ACRBP: variants seen among roughly 807,000 people sequenced by gnomAD.
ACRBP encodes the protein acrosin binding protein.
A neutral mutation model predicts 69.0 loss-of-function variants in ACRBP; 52 were observed. That is an observed-to-expected ratio of 0.75 (90% CI 0.60 to 0.95). The LOEUF (loss-of-function observed/expected upper bound fraction) is 0.95. Ranked by LOEUF, ACRBP falls within the 40% of genes least tolerant of loss-of-function variation. The pLI is 0.00. For synonymous variants in ACRBP, 267 were observed against 258.9 expected, an observed-to-expected ratio of 1.03 and a Z score of -0.30; for missense variants, 604 against 673.0, an observed-to-expected ratio of 0.90 and a Z score of 1.13.
chr12:6,644,409 C>T lies in ACRBP; in HGVS notation c.672G>A (p.Glu224=), dbSNP rs1163483094. 6.2e-7 allele frequency: 1 copy of T among 1,613,938 alleles called. No homozygotes were observed. Among genetic ancestry groups the T allele is most frequent in the Non-Finnish European group, 8.5e-7 (1 of 1,180,004 alleles). ...EEGQKQEEQE[E]EQEEEGKQEE... is the part of the protein sequence containing the mutation. ...CCTGCTTTCCCTCCTCTTCCTGTTC[C>T]TCTTCTTGCTCTTCCTGTTTCTGCC... The change falls in exon 5 of 10, where the codon GAG becomes GAA. Residue 224 remains glutamate (E), a synonymous_variant. Coordinates refer to ENST00000229243, the MANE Select transcript of ACRBP (RefSeq NM_032489.3).
Position 6,640,410 on chromosome 12 carries a change from T to C in ACRBP, c.1190A>G (p.Asp397Gly). 1.9e-6 allele frequency: 3 copies of C among 1,614,036 alleles called. No homozygotes were observed. Among genetic ancestry groups the C allele is most frequent in the Non-Finnish European group, 2.5e-6 (3 of 1,179,996 alleles). The change falls in exon 7 of 10, where the codon GAC (aspartate) becomes GGC (glycine). Residue 397 changes from aspartate (D) to glycine (G), a missense_variant. Physicochemically the swap from Asp to Gly is moderately conservative, Grantham distance 94. This residue lies in a region of ACRBP where 532 missense variants were observed against 562.9 expected (regional missense o/e 0.95). Coordinates refer to ENST00000229243, the MANE Select transcript of ACRBP (RefSeq NM_032489.3). The surrounding 1 kb of genome is among the most constrained non-coding windows in gnomAD (Gnocchi z 5.3). ...SEASLQRQQC[D>G]TSHKTPFVSP... ...GACAAAGGGAGTCTTGTGGGAGGTGTCGCATTGTTGCCGCTGCAGGCTGGC... is the reference window on the plus strand; with the variant it reads ...GACAAAGGGAGTCTTGTGGGAGGTGCCGCATTGTTGCCGCTGCAGGCTGGC...
intron 9 of ACRBP, chr12:6,638,699 G>A: frequency 3.5e-6 from 5 of 1,425,960 alleles, no homozygotes; most frequent in Non-Finnish European, 4.6e-6. Flanking sequence ...CCAAGTCCTG[G>A]CCCAGCCAAG....
chr12:6,641,903 T>A (rs1304887806), intron 6 of ACRBP, among the ~76,000 whole-genome samples: 1 of 152,096 alleles, frequency 6.6e-6, no homozygotes, highest in African/African-American at 2.4e-5. Context: ...ACAAAAGAAA[T>A]TTCTACTCTT....
At position 6,639,141 on chromosome 12, in the gene ACRBP, C is replaced by T. The variant is rs1027435632; in HGVS notation, c.1426-104G>A. 9 of 1,066,166 alleles carry T rather than the reference C, an allele frequency of 8.4e-6. No individual in the cohort carries two copies. In the South Asian group the frequency reaches 1.1e-4, roughly 13 times the overall value. The allele number at this position is 1,066,166 out of a possible 1,614,324, so 66.0% of individuals were successfully genotyped here. On this transcript the variant is annotated intron_variant, in intron 8 of 9. Transcript: ENST00000229243. ...GGCAGAGCCAGGGGCAGGGTGTGGC[C>T]CAAGACCCAGGTCTTCCACACACAG...
At position 6,647,029 on chromosome 12, in the gene ACRBP, C is replaced by A. The variant is rs1482509751; in HGVS notation, c.44-17G>T. On this transcript the variant is annotated splice_polypyrimidine_tract_variant and intron_variant, in intron 1 of 9. Transcript: ENST00000229243. ...GGAGCAGCACTGCGGAGCGGGCGAACGGATGATGGAAGGACCGAACCCCAA... is the reference window on the plus strand; with the variant it reads ...GGAGCAGCACTGCGGAGCGGGCGAAAGGATGATGGAAGGACCGAACCCCAA... 3.7e-6 allele frequency: 6 copies of A among 1,603,856 alleles called. No individual in the cohort carries two copies. Among genetic ancestry groups the A allele is most frequent in the East Asian group, 2.2e-5 (1 of 44,856 alleles).
rs775333041 is a variant in ACRBP, at chr12:6,638,305, A to G, written c.1609T>C (p.Leu537=). The G allele has an allele frequency of 2.5e-6, 4 of 1,614,156 alleles. No homozygotes were observed. In the East Asian group the frequency reaches 8.9e-5, roughly 36 times the overall value. Residue 537 remains leucine, a synonymous_variant, in exon 10 of 10, where the codon TTG becomes CTG. Coordinates refer to ENST00000229243, the MANE Select transcript of ACRBP (RefSeq NM_032489.3). ...GCTCATCCGAACTGGCCTAGAGTCA[A>G]GGTGCTGAACTCCTGGCTCCATCGA... The part of the protein sequence containing the change: ...VLRWSQEFST[L]TLGQFG
At position 6,638,366 on chromosome 12, in the gene ACRBP, A is replaced by C. The variant is rs771203599; in HGVS notation, c.1548T>G (p.Ser516Arg). 2 of 1,614,076 alleles carry C rather than the reference A, an allele frequency of 1.2e-6. No homozygotes were observed. The highest frequency in any genetic ancestry group is 8.5e-7 in the Non-Finnish European group (1 of 1,180,014). The change falls in exon 10 of 10, where the codon AGT (serine) becomes AGG (arginine). Residue 516 changes from serine (S) to arginine (R), a missense_variant. Ser to Arg is a moderately radical substitution (Grantham distance 110). Transcript: ENST00000229243. ...CCTCACTTTTGCCAGGGCTCAGCGCACTGTAAGTCTCATTCTGCAGACATC... is the reference window on the plus strand; with the variant it reads ...CCTCACTTTTGCCAGGGCTCAGCGCCCTGTAAGTCTCATTCTGCAGACATC... ...RMRCLQNETY[S>R]ALSPGKSEDV... is the part of the protein sequence containing the mutation.
In ACRBP at chr12:6,640,621, AT is replaced by A; in HGVS notation, c.1078-100del. On this transcript the variant is annotated intron_variant, in intron 6 of 9. Coordinates refer to ENST00000229243, the MANE Select transcript of ACRBP (RefSeq NM_032489.3). This position sits in a 1 kb window ranked among gnomAD's most constrained non-coding sequence, Gnocchi z 5.3. ...GGTGGGCCCTGCAGAATGTCTTTGC[AT>A]TTAGCCTCTTCCAAAAGCTTCTCTG... is the stretch of plus-strand genomic sequence containing the variant. 7.5e-7 allele frequency: 1 copy of A among 1,330,926 alleles called. No individual in the cohort carries two copies. Among genetic ancestry groups the A allele is most frequent in the Non-Finnish European group, 1.0e-6 (1 of 979,016 alleles). The allele number at this position is 1,330,926 out of a possible 1,614,324, so 82.4% of individuals were successfully genotyped here.
chr12:6,646,651 G>C, intron 2 of ACRBP, 74 bp from the exon 3 acceptor site: 2 of 1,501,522 alleles, frequency 1.3e-6, no homozygotes, highest in Non-Finnish European at 1.9e-6. Context: ...TGGACTCCAC[G>C]CCATGGGGAG....
Position 6,643,662 on chromosome 12 carries a change from C to G in ACRBP, c.954G>C (p.Gln318His). 1 of 1,613,948 alleles carries G rather than the reference C, an allele frequency of 6.2e-7. No homozygotes were observed. Among genetic ancestry groups the G allele is most frequent in the Non-Finnish European group, 8.5e-7 (1 of 1,179,854 alleles). ...WRNQNPGSLLQLPHTEALLVL... is the reference protein window; with the variant it reads ...WRNQNPGSLLHLPHTEALLVL... ...CCAGCAAGGCCTCTGTGTGGGGCAG[C>G]TGCAGGAGGCTGCAAGAAGACAGCA... Residue 318 changes from glutamine to histidine, a missense_variant, in exon 6 of 10, where the codon CAG becomes CAC. Gln to His is a conservative substitution (Grantham distance 24). Transcript: ENST00000229243.
At position 6,640,841 on chromosome 12, in the gene ACRBP, T is replaced by C. The variant is rs1032062739; in HGVS notation, c.1078-319A>G. 4.6e-5 allele frequency among the ~76,000 whole-genome samples: 7 copies of C among 152,164 alleles called. No homozygotes were observed. Among genetic ancestry groups the C allele is most frequent in the African/African-American group, 1.7e-4 (7 of 41,430 alleles). On this transcript the variant is annotated intron_variant, in intron 6 of 9. Transcript: ENST00000229243. The surrounding 1 kb of genome is among the most constrained non-coding windows in gnomAD (Gnocchi z 5.3). ...TTGCCAAGTGCCTGACAGATGTCTG[T>C]GATTGGGTGATCTTACAGATACCCC... is the stretch of plus-strand genomic sequence containing the variant.
intron 3 of ACRBP, among the ~76,000 whole-genome samples, 191 bp downstream of exon 3, chr12:6,646,292 G>A (rs1266795008): frequency 2.6e-5 from 4 of 152,066 alleles, no homozygotes; most frequent in Non-Finnish European, 5.9e-5. Flanking sequence ...TTTTCTTGCA[G>A]TAACAGAATT....
At chr12:6,641,333 G>A (rs1949051560) in intron 6 of ACRBP, among the ~76,000 whole-genome samples, 1 of 152,178 alleles carries the variant, frequency 6.6e-6, no homozygotes, top group African/African-American at 2.4e-5. Flanking sequence ...GGCACAGCCT[G>A]TCACAGTGCA....
Position 6,645,256 on chromosome 12 carries a change from T to TGGGTGAGACTTC in ACRBP, c.427_438dup (p.Glu143_Pro146dup). On this transcript the variant is annotated inframe_insertion, in exon 4 of 10. Coordinates refer to ENST00000229243, the MANE Select transcript of ACRBP (RefSeq NM_032489.3). ...GGTGAGATGGGGGAGGTCATCGTGGTGGGTGAGACTTCAGCTGAAGCTTCT... is the reference window on the plus strand; with the variant it reads ...GGTGAGATGGGGGAGGTCATCGTGGTGGGTGAGACTTCGGGTGAGACTTCAGCTGAAGCTTCT... 1 of 1,613,724 alleles carries TGGGTGAGACTTC rather than the reference T, an allele frequency of 6.2e-7. No individual in the cohort carries two copies. The highest frequency in any genetic ancestry group is 8.5e-7 in the Non-Finnish European group (1 of 1,179,888).
Position 6,646,883 on chromosome 12 carries a change from G to C in ACRBP, c.173C>G (p.Thr58Ser). 1.2e-6 allele frequency: 2 copies of C among 1,614,178 alleles called. No homozygotes were observed. The highest frequency in any genetic ancestry group is 1.7e-6 in the Non-Finnish European group (2 of 1,180,026). ...GTGGGTTGCACGGAGACGGCAGGTA[G>C]TCTCTGCCTTCCAGGTTGGAGTCAG... ...ALLTPTWKAETTCRLRATHGC... is the reference protein window; with the variant it reads ...ALLTPTWKAESTCRLRATHGC... Residue 58 changes from threonine to serine, a missense_variant, in exon 2 of 10, where the codon ACT (threonine) becomes AGT (serine). By Grantham distance (58) the Thr-to-Ser change is moderately conservative (BLOSUM62 1). Coordinates refer to ENST00000229243, the MANE Select transcript of ACRBP (RefSeq NM_032489.3).
rs759275347 is a variant in ACRBP at position 6,643,635 on chromosome 12, C to A, written c.981G>T (p.Val327=). Residue 327 remains valine, a synonymous_variant, in exon 6 of 10, where the codon GTG becomes GTT. Coordinates refer to ENST00000229243, the MANE Select transcript of ACRBP (RefSeq NM_032489.3). ...LQLPHTEALL[V]LCYSIVENTC... ...TATTCTCCACGATCGAATAGCACAG[C>A]ACCAGCAAGGCCTCTGTGTGGGGCA... The A allele has an allele frequency of 5.0e-6, 8 of 1,614,234 alleles. No homozygotes were observed. Among genetic ancestry groups the A allele is most frequent in the South Asian group, 1.1e-5 (1 of 91,088 alleles).
chr12:6,645,560 C>G (rs530243081), intron 3 of ACRBP, among the ~76,000 whole-genome samples: 54 of 152,302 alleles, frequency 3.5e-4, no homozygotes, highest in African/African-American at 1.2e-3. Flanking sequence ...TTGCATTTGA[C>G]TCAAAATCAC....
Position 6,645,263 on chromosome 12 carries a change from G to T in ACRBP, c.432C>A (p.Val144=), listed in dbSNP as rs1949079360. ...TLKEIEASAE[V]SPTTMTSPIS... ...TGGGGGAGGTCATCGTGGTGGGTGA[G>T]ACTTCAGCTGAAGCTTCTATCTCCT... The change falls in exon 4 of 10, where the codon GTC becomes GTA. Residue 144 remains valine (V), a synonymous_variant. Transcript: ENST00000229243. 2 of 1,613,754 alleles carry T rather than the reference G, an allele frequency of 1.2e-6. No homozygotes were observed. Among genetic ancestry groups the T allele is most frequent in the African/African-American group, 2.7e-5 (2 of 74,916 alleles).
rs150622342 is a variant in ACRBP at position 6,644,206 on chromosome 12, G to A, written c.875C>T (p.Ala292Val). Residue 292 changes from alanine (A) to valine (V), a missense_variant, in exon 5 of 10, where the codon GCC becomes GTC. Transcript: ENST00000229243. ...TTCATTCATTTCATCTATTTCCTGG[G>A]CTGATCGAATGAGCTCCTGGATGTT... ...MENIQELIRS[A>V]QEIDEMNEIY... 2.1e-5 allele frequency: 34 copies of A among 1,613,574 alleles called. No homozygotes were observed. The highest frequency in any genetic ancestry group is 1.7e-4 in the Middle Eastern group (1 of 6,058).
Sources: gnomAD v4.1 joint callset for allele counts (sites outside exome capture counted in the v4.1 genomes callset) on GRCh38, gnomAD v4.1.1 for gene constraint, gnomAD v4.1.1 regional missense constraint, Gnocchi (gnomAD v3.1) non-coding constraint, MANE v1.5 for transcripts, NCBI Gene and HGNC (gene_info 2026-07-23, HGNC 2026-07-21) for gene names.